The following ANO1 variants were observed in gnomAD, a reference collection of about 807,000 sequenced individuals.
ANO1 encodes anoctamin-1.
In ANO1, 59 loss-of-function variants were observed where a neutral mutation model predicts 124.0. The ratio of observed to expected loss-of-function variants is 0.48; its 90% CI spans 0.39 to 0.59. The LOEUF (loss-of-function observed/expected upper bound fraction) is 0.59, where lower values mean the gene tolerates loss of function less well. Ranked by LOEUF, ANO1 falls within the 20% of genes least tolerant of loss-of-function variation. ANO1 has a pLI of 0.00. For synonymous variants in ANO1, 529 were observed against 532.0 expected (o/e 0.99, Z 0.08); for missense variants, 1,059 against 1,328.0 (o/e 0.80, Z 3.15).
At position 70,095,346 on chromosome 11, in the gene ANO1, A is replaced by AAAAGAAAGAAAG. The variant is rs540551294; in HGVS notation, c.441+7334_441+7345dup. ...GAAAGAAAGAAAGGAAAGAGAAAGA[A>AAAAGAAAGAAAG]AAAGAAAGAAAGAAAGAAAGAAAGA... is the stretch of plus-strand genomic sequence containing the variant. On this transcript the variant is annotated intron_variant, in intron 2 of 25. Coordinates refer to ENST00000355303, the MANE Select transcript of ANO1 (RefSeq NM_018043.7). Among the ~76,000 whole-genome samples the AAAAGAAAGAAAG allele has an allele frequency of 1.9e-5, 2 of 104,606 alleles. 1 individual carries two copies. 68.6% of individuals were successfully genotyped at this position (104,606 alleles called of 152,430 possible). A position where few individuals can be genotyped will look rare whatever the true frequency, so the allele number is the denominator to read the frequency against.
At chr11:70,029,631 T>G (rs1386063501) in intron 1 of ANO1, among the ~76,000 whole-genome samples, 1 of 152,186 alleles carries the variant, frequency 6.6e-6, no homozygotes, top group African/African-American at 2.4e-5. Flanking sequence ...GGAGGGACAG[T>G]GTGTGTCCCG....
chr11:70,125,065 G>A (rs533569818), intron 9 of ANO1, among the ~76,000 whole-genome samples: 17 of 152,300 alleles, frequency 1.1e-4, no homozygotes, highest in East Asian at 3.9e-4. Flanking sequence ...AGTGGGGACC[G>A]GGCGCGGTGG....
intron 1 of ANO1, among the ~76,000 whole-genome samples, chr11:70,000,776 AG>A (rs1316129306): frequency 6.6e-6 from 1 of 152,108 alleles, no homozygotes; most frequent in South Asian, 2.1e-4. Flanking sequence ...CTCAGACACT[AG>A]GATGGATGAC....
chr11:70,032,358 G>C (rs1055582801), intron 1 of ANO1, among the ~76,000 whole-genome samples: 9 of 152,160 alleles, frequency 5.9e-5, no homozygotes, highest in Admixed American at 5.9e-4. Flanking sequence ...GGAGAGGCGG[G>C]TGCAGGCAGG....
At chr11:70,177,751 C>A (rs1167359882) in intron 22 of ANO1, among the ~76,000 whole-genome samples, 1 of 151,852 alleles carries the variant, frequency 6.6e-6, no homozygotes, top group Admixed American at 6.6e-5. Flanking sequence ...AGGCGCCCGC[C>A]ACCACACTCG....
intron 1 of ANO1, among the ~76,000 whole-genome samples, chr11:70,066,265 C>T (rs183075510): frequency 3.1e-4 from 47 of 152,280 alleles, no homozygotes; most frequent in Admixed American, 3.3e-4. Flanking sequence ...GGTCAGATGC[C>T]GAGCTGCCCT....
rs1857593075 is a variant in ANO1, at chr11:70,062,063, C to CTTTTTTTTT, written c.59-16476_59-16475insTTTTTTTTT. Among the ~76,000 whole-genome samples the CTTTTTTTTT allele has an allele frequency of 7.8e-5, 6 of 76,698 alleles. 1 individual carries two copies. The South Asian group carries it at 1.6e-3, about 21-fold the overall frequency. 50.3% of individuals were successfully genotyped at this position (76,698 alleles called of 152,430 possible). A position where few individuals can be genotyped will look rare whatever the true frequency, so the allele number is the denominator to read the frequency against. ...AGAGGTGATTTTTTTCTCTTTCCTT[C>CTTTTTTTTT]TTTCTTTTTTTTTTTTTTTTTTTTT... On this transcript the variant is annotated intron_variant, in intron 1 of 27. Coordinates refer to the ANO1 transcript ENST00000531349.
At chr11:69,992,604 T>G (rs1856178309) in intron 1 of ANO1, among the ~76,000 whole-genome samples, 1 of 152,162 alleles carries the variant, frequency 6.6e-6, no homozygotes, top group Non-Finnish European at 1.5e-5. Context: ...GGATAAGGAC[T>G]GCCACTCTCT....
chr11:70,056,000 GT>G (rs1555006805), intron 1 of ANO1, among the ~76,000 whole-genome samples: 176 of 151,538 alleles, frequency 1.2e-3, no homozygotes, highest in African/African-American at 4.1e-3. Flanking sequence ...GTTTATTTTT[GT>G]CATGTATTAA....
chr11:70,142,364 G>A (rs755993697), intron 11 of ANO1, among the ~76,000 whole-genome samples: 1 of 152,182 alleles, frequency 6.6e-6, no homozygotes, highest in Non-Finnish European at 1.5e-5. Flanking sequence ...TCCCAGCTAG[G>A]TGGGGACGAA....
chr11:69,984,608 C>T (rs782366613), upstream of ANO1, among the ~76,000 whole-genome samples: 26 of 152,178 alleles, frequency 1.7e-4, no homozygotes, highest in Non-Finnish European at 3.1e-4. Flanking sequence ...TCCTCAGGTA[C>T]CAATCCCAGC....
intron 1 of ANO1, chr11:70,085,700 C>T: frequency 6.9e-7 from 1 of 1,447,912 alleles, no homozygotes; most frequent in East Asian, 2.5e-5. Flanking sequence ...GCAGCCCTGG[C>T]CCAGAGCCTC....
chr11:70,145,604 T>C (rs2047340463), intron 11 of ANO1, among the ~76,000 whole-genome samples: 1 of 152,088 alleles, frequency 6.6e-6, no homozygotes, highest in Non-Finnish European at 1.5e-5. Flanking sequence ...GGGCCTTTGC[T>C]TCTACCTGAA....
chr11:70,031,436 C>T (rs558302405), intron 1 of ANO1, among the ~76,000 whole-genome samples: 2 of 152,318 alleles, frequency 1.3e-5, no homozygotes, highest in Admixed American at 6.5e-5. Context: ...AGTGGAAAGG[C>T]CCCGTGCCTC....
intron 9 of ANO1, 120 bp from the exon 10 acceptor site, chr11:70,125,941 T>C: frequency 7.7e-7 from 1 of 1,300,276 alleles, no homozygotes; most frequent in Non-Finnish European, 1.1e-6. Flanking sequence ...TCTCTGCTTC[T>C]GGGATGAGGG....
chr11:70,087,702 C>T (rs1275004807), intron 1 of ANO1, 50 bp from the exon 2 acceptor site: 59 of 1,491,768 alleles, frequency 4.0e-5, no homozygotes, highest in Non-Finnish European at 5.1e-5. Context: ...CTCCAAAGGC[C>T]CATCACGAGC....
At position 70,149,812 on chromosome 11, in the gene ANO1, T is replaced by C. The variant is rs2047527633; in HGVS notation, c.1341+20T>C. ...GAAGAGGTCAGTGGGTTTGCCGCCG[T>C]GCATATCACGCCCTTCCCCCACGTT... On this transcript the variant is annotated intron_variant, in intron 12 of 25. Transcript: ENST00000355303. 6.2e-7 allele frequency: 1 copy of C among 1,611,796 alleles called. No individual in the cohort carries two copies. The highest frequency in any genetic ancestry group is 1.1e-5 in the South Asian group (1 of 90,570).
intron 11 of ANO1, among the ~76,000 whole-genome samples, chr11:70,133,796 C>A (rs1298574875): frequency 6.6e-6 from 1 of 152,172 alleles, no homozygotes; most frequent in Non-Finnish European, 1.5e-5. Flanking sequence ...GTGTGGTTTG[C>A]GGGTGGGTGT....
intron 11 of ANO1, 170 bp from the exon 12 acceptor site, chr11:70,149,540 A>G (rs543347800): frequency 1.8e-5 from 11 of 616,488 alleles, no homozygotes; most frequent in Non-Finnish European, 2.8e-5. Flanking sequence ...AATCCCAGCT[A>G]CTCGGGAGGC....
Sources: gnomAD v4.1 joint callset for allele counts (sites outside exome capture counted in the v4.1 genomes callset) on GRCh38, gnomAD v4.1.1 for gene constraint, MANE v1.5 for transcripts, NCBI Gene and HGNC (gene_info 2026-07-23, HGNC 2026-07-21) for gene names.